The following EFNA5 variants were observed in gnomAD, a reference collection of about 807,000 sequenced individuals.
The protein encoded by EFNA5 is ephrin-A5.
In EFNA5, 5 loss-of-function variants were observed where a neutral mutation model predicts 22.9. That is an observed-to-expected ratio of 0.22 (90% CI 0.11 to 0.46). The LOEUF (loss-of-function observed/expected upper bound fraction) is 0.46, where lower values mean the gene tolerates loss of function less well. EFNA5 is among the 20% of genes least tolerant of loss of function. The probability of loss-of-function intolerance (pLI) is 0.99; values close to 1 mark genes in which losing one functional copy is unlikely to be tolerated. For missense variants in EFNA5, 237 were observed against 293.3 expected (o/e 0.81, Z 1.40); for synonymous variants, 113 against 112.2 (o/e 1.01, Z -0.04).
chr5:107,408,596 A>G (rs1748282192), intron 2 of EFNA5, among the ~76,000 whole-genome samples: 1 of 152,204 alleles, frequency 6.6e-6, no homozygotes, highest in South Asian at 2.1e-4. Context: ...TTTCTACTCC[A>G]TTTCAGTTGA....
At chr5:107,487,240 C>CG (rs1267260591) in intron 1 of EFNA5, among the ~76,000 whole-genome samples, 2 of 152,178 alleles carry the variant, frequency 1.3e-5, no homozygotes, top group Non-Finnish European at 2.9e-5. Flanking sequence ...CTCTTCCCCC[C>CG]GGGTGAACAC....
chr5:107,617,243 GAGAGAGAGAGAGAGAA>G, intron 1 of EFNA5, among the ~76,000 whole-genome samples: 1 of 146,392 alleles, frequency 6.8e-6, no homozygotes, highest in African/African-American at 2.6e-5. Flanking sequence ...CACACAGAGA[GAGAGAGAGAGAGAGAA>G]AGAGAGAGAG....
At chr5:107,539,470 C>CA (rs1244454293) in intron 1 of EFNA5, among the ~76,000 whole-genome samples, 3 of 151,534 alleles carry the variant, frequency 2.0e-5, no homozygotes, top group Non-Finnish European at 4.4e-5. Flanking sequence ...AAAACTGTCT[C>CA]AAAAAAAAGA....
chr5:107,580,312 G>T (rs1025237124), intron 1 of EFNA5, among the ~76,000 whole-genome samples: 1 of 151,918 alleles, frequency 6.6e-6, no homozygotes, highest in Non-Finnish European at 1.5e-5. Context: ...ATGAGAACAG[G>T]GTCTATATTT....
chr5:107,515,331 C>T (rs529830735), intron 1 of EFNA5, among the ~76,000 whole-genome samples: 4 of 151,440 alleles, frequency 2.6e-5, no homozygotes, highest in Admixed American at 6.6e-5. Flanking sequence ...GCCCCCATGC[C>T]CAGCATCAAG....
At chr5:107,405,370 C>G (rs1195422837) in intron 2 of EFNA5, among the ~76,000 whole-genome samples, 1 of 152,194 alleles carries the variant, frequency 6.6e-6, no homozygotes, top group Non-Finnish European at 1.5e-5. Context: ...AGGGACCTCC[C>G]CATTTACATA....
Position 107,387,843 on chromosome 5 carries a change from A to T in EFNA5, c.419-72T>A, listed in dbSNP as rs184031419. The T allele has an allele frequency of 1.4e-5, 15 of 1,036,180 alleles. 1 individual carries two copies. In the East Asian group the frequency reaches 3.6e-4, roughly 25 times the overall value. The allele number at this position is 1,036,180 out of a possible 1,614,324, so 64.2% of individuals were successfully genotyped here. ...AACATATTACTCTTCATTTTCACAT[A>T]CAAATGATGAACAATAAATTCTTTC... On this transcript the variant is annotated intron_variant, in intron 2 of 4. Coordinates refer to ENST00000333274, the MANE Select transcript of EFNA5 (RefSeq NM_001962.3).
At chr5:107,542,408 T>A (rs931024680) in intron 1 of EFNA5, among the ~76,000 whole-genome samples, 15 of 152,162 alleles carry the variant, frequency 9.9e-5, no homozygotes, top group African/African-American at 2.4e-5. Flanking sequence ...AAGATGGTGA[T>A]GAAAGGATAT....
intron 2 of EFNA5, among the ~76,000 whole-genome samples, chr5:107,396,291 G>C (rs1747922612): frequency 6.6e-6 from 1 of 152,166 alleles, no homozygotes. Context: ...TTTTGAGCCA[G>C]CTGCTTAACG....
At chr5:107,670,050 A>C (rs1751156796) in intron 1 of EFNA5, among the ~76,000 whole-genome samples, 1 of 150,558 alleles carries the variant, frequency 6.6e-6, no homozygotes, top group African/African-American at 2.4e-5. Context: ...AAAAAAAAAA[A>C]AAAAACTTTG....
intron 1 of EFNA5, among the ~76,000 whole-genome samples, chr5:107,569,569 A>ATGTGTG (rs1215608884): frequency 2.8e-4 from 6 of 21,762 alleles, no homozygotes; most frequent in Middle Eastern, 0.019. Context: ...TTATATATAT[A>ATGTGTG]TATATATATA....
intron 1 of EFNA5, among the ~76,000 whole-genome samples, chr5:107,448,410 G>T (rs1259137525): frequency 6.6e-6 from 1 of 152,142 alleles, no homozygotes; most frequent in Non-Finnish European, 1.5e-5. Context: ...ACACATAAAG[G>T]CTTCACTTCA....
At chr5:107,461,344 G>A (rs1476716112) in intron 1 of EFNA5, among the ~76,000 whole-genome samples, 1 of 152,120 alleles carries the variant, frequency 6.6e-6, no homozygotes, top group African/African-American at 2.4e-5. Flanking sequence ...TAACAGTAGA[G>A]AGAAAGCTAT....
chr5:107,669,987 C>G (rs1290804115), intron 1 of EFNA5, among the ~76,000 whole-genome samples: 1 of 150,366 alleles, frequency 6.7e-6, no homozygotes, highest in East Asian at 2.0e-4. Context: ...AGCCCGTGCG[C>G]TCTCTCTGCG....
intron 2 of EFNA5, among the ~76,000 whole-genome samples, chr5:107,426,118 G>T (rs1436825300): frequency 6.6e-6 from 1 of 152,160 alleles, no homozygotes; most frequent in Non-Finnish European, 1.5e-5. Flanking sequence ...CCCAGTGAAA[G>T]GTCACTCCCT....
In EFNA5 at chr5:107,435,315, C is replaced by CTTTTTTTTTTT. The variant is rs3999107; in HGVS notation, c.126-7817_126-7807dup. ...TTCCTATTCTAAATCTGAAGATGCT[C>CTTTTTTTTTTT]TTTTTTTTTTTTTTTTTTTTTTGCT... On this transcript the variant is annotated intron_variant, in intron 1 of 4. Transcript: ENST00000333274. Among the ~76,000 whole-genome samples the CTTTTTTTTTTT allele has an allele frequency of 4.6e-3, 485 of 104,534 alleles. 1 individual carries two copies. The highest frequency in any genetic ancestry group is 5.9e-3 in the Non-Finnish European group (320 of 53,886). The allele number at this position is 104,534 out of a possible 152,430, so 68.6% of individuals were successfully genotyped here. A position where few individuals can be genotyped will look rare whatever the true frequency, so the allele number is the denominator to read the frequency against.
chr5:107,553,579 A>C (rs1748345973), intron 1 of EFNA5, among the ~76,000 whole-genome samples: 1 of 152,234 alleles, frequency 6.6e-6, no homozygotes, highest in Non-Finnish European at 1.5e-5. Context: ...GACCTTGAAC[A>C]GAAGCTCTTA....
At chr5:107,463,991 G>A (rs376139415) in intron 1 of EFNA5, among the ~76,000 whole-genome samples, 2 of 152,264 alleles carry the variant, frequency 1.3e-5, no homozygotes, top group African/African-American at 2.4e-5. Flanking sequence ...CATGGGAAGT[G>A]GGTTAAATGC....
chr5:107,643,498 G>T (rs1750567797), intron 1 of EFNA5, among the ~76,000 whole-genome samples: 1 of 152,264 alleles, frequency 6.6e-6, no homozygotes, highest in South Asian at 2.1e-4. Flanking sequence ...GTGCTCTCCA[G>T]ACACAACCAT....
Sources: gnomAD v4.1 joint callset for allele counts (sites outside exome capture counted in the v4.1 genomes callset) on GRCh38, gnomAD v4.1.1 for gene constraint, MANE v1.5 for transcripts, NCBI Gene and HGNC (gene_info 2026-07-23, HGNC 2026-07-21) for gene names.